NSF: variants seen among roughly 807,000 people sequenced by gnomAD.
NSF encodes the protein N-ethylmaleimide sensitive factor, vesicle fusing ATPase.
NSF carries 14 observed loss-of-function variants against 50.3 expected under a neutral mutation model. The ratio of observed to expected loss-of-function variants is 0.28; its 90% CI spans 0.18 to 0.44. The LOEUF is 0.44. Ranked by LOEUF, NSF falls within the 20% of genes least tolerant of loss-of-function variation. NSF has a pLI of 1.00. For missense variants in NSF, 218 were observed against 504.3 expected (o/e 0.43, Z 5.44); for synonymous variants, 109 against 175.7 (o/e 0.62, Z 3.00).
chr17:46,707,546 T>C (rs1264425773), intron 13 of NSF, among the ~76,000 whole-genome samples: 1 of 152,060 alleles, frequency 6.6e-6, no homozygotes, highest in African/African-American at 2.4e-5. Context: ...CTTTTTTCCC[T>C]CCCCTACAAC....
intron 9 of NSF, among the ~76,000 whole-genome samples, chr17:46,676,261 T>A (rs2058406574): frequency 6.8e-6 from 1 of 147,732 alleles, no homozygotes; most frequent in African/African-American, 2.6e-5. Context: ...AGATGGAGTT[T>A]TGCTCTTGTT....
Position 46,728,950 on chromosome 17 carries a change from T to A in NSF, c.1908+16T>A. ...ACCTCCTCAGGTAAAATAATACTAC[T>A]AATAAGGAATATTTTAACAAAGAGT... On this transcript the variant is annotated intron_variant, in intron 17 of 20. Transcript: ENST00000398238. 1 of 1,425,564 alleles carries A rather than the reference T, an allele frequency of 7.0e-7. No individual in the cohort carries two copies. Among genetic ancestry groups the A allele is most frequent in the Non-Finnish European group, 9.8e-7 (1 of 1,022,382 alleles). The allele number at this position is 1,425,564 out of a possible 1,614,324, so 88.3% of individuals were successfully genotyped here. A position where few individuals can be genotyped will look rare whatever the true frequency, so the allele number is the denominator to read the frequency against.
rs1169505890 is a variant in NSF at position 46,595,857 on chromosome 17, GTC to G, written c.12+5074_12+5075del. Among the ~76,000 whole-genome samples, 8 of 141,658 alleles carry G rather than the reference GTC, an allele frequency of 5.6e-5. 1 individual carries two copies. Among genetic ancestry groups the G allele is most frequent in the African/African-American group, 2.2e-4 (8 of 35,590 alleles). 92.9% of individuals were successfully genotyped at this position (141,658 alleles called of 152,430 possible). On this transcript the variant is annotated intron_variant, in intron 1 of 20. Transcript: ENST00000398238. ...TTCTCTCCCTTACTCCGCCTTCCCA[GTC>G]TCTGTTATCTATTTTTCCACTCCCT...
At position 46,675,716 on chromosome 17, in the gene NSF, CAT is replaced by C. The variant is rs1368335002; in HGVS notation, c.945+1106_945+1107del. 1.0e-4 allele frequency among the ~76,000 whole-genome samples: 13 copies of C among 129,982 alleles called. 3 individuals are homozygous for C. The East Asian group carries it at 2.7e-3, about 27-fold the overall frequency. The allele number at this position is 129,982 out of a possible 152,430, so 85.3% of individuals were successfully genotyped here. A position where few individuals can be genotyped will look rare whatever the true frequency, so the allele number is the denominator to read the frequency against. On this transcript the variant is annotated intron_variant, in intron 9 of 20. Transcript: ENST00000398238. The stretch of plus-strand genomic sequence containing the variant: ...TTCTGATTAATTATCCTAATACTAA[CAT>C]ATTTTTTTCATTGACAGTTTAAGAA...
At chr17:46,743,597 C>T (rs1381692657) in intron 17 of NSF, among the ~76,000 whole-genome samples, 1 of 152,234 alleles carries the variant, frequency 6.6e-6, no homozygotes, top group Non-Finnish European at 1.5e-5. Flanking sequence ...ACTTGCCTCA[C>T]CATTGCTTTC....
intron 17 of NSF, among the ~76,000 whole-genome samples, chr17:46,737,856 C>T (rs757732085): frequency 7.3e-5 from 11 of 151,686 alleles, no homozygotes; most frequent in East Asian, 1.9e-4. Flanking sequence ...GGAATTCAAG[C>T]GCTGCAGCAA....
In NSF at chr17:46,693,085, A is replaced by C; in HGVS notation, c.1111+17A>C. The C allele has an allele frequency of 6.2e-7, 1 of 1,602,996 alleles. No homozygotes were observed. ...TAGTCATTGGTATGTTTACTTTTTAAAAAAGTACTATTCATTCAAAAACGT... is the reference window on the plus strand; with the variant it reads ...TAGTCATTGGTATGTTTACTTTTTACAAAAGTACTATTCATTCAAAAACGT... On this transcript the variant is annotated intron_variant, in intron 10 of 20. Coordinates refer to ENST00000398238, the MANE Select transcript of NSF (RefSeq NM_006178.4).
At chr17:46,739,015 C>T (rs945705695) in intron 17 of NSF, among the ~76,000 whole-genome samples, 25 of 151,712 alleles carry the variant, frequency 1.6e-4, no homozygotes, top group African/African-American at 2.2e-4. Context: ...GCAGGAGGAT[C>T]GCTTGAGTCC....
chr17:46,695,016 G>A (rs1284562469), intron 12 of NSF, among the ~76,000 whole-genome samples: 4 of 110,070 alleles, frequency 3.6e-5, no homozygotes, highest in Non-Finnish European at 5.5e-5. Context: ...GGAGGCTGAG[G>A]CGGGCGGATC....
At chr17:46,738,265 C>A (rs1436781681) in intron 17 of NSF, among the ~76,000 whole-genome samples, 1 of 152,004 alleles carries the variant, frequency 6.6e-6, no homozygotes, top group East Asian at 1.9e-4. Flanking sequence ...CAATATGATA[C>A]TTGAGAATTT....
At chr17:46,750,010 G>A in intron 18 of NSF, 103 bp downstream of exon 18, 1 of 1,287,144 alleles carries the variant, frequency 7.8e-7, no homozygotes. Flanking sequence ...ATGCTAATCT[G>A]GAACATGGGA....
At chr17:46,675,579 C>CAT (rs1482352586) in intron 9 of NSF, among the ~76,000 whole-genome samples, 4 of 126,078 alleles carry the variant, frequency 3.2e-5, no homozygotes, top group Admixed American at 1.8e-4. Flanking sequence ...TGGAGGCTGA[C>CAT]ATATATATGT....
rs1297445869 is a variant in NSF at position 46,671,785 on chromosome 17, C to G, written c.746-2629C>G. On this transcript the variant is annotated intron_variant, in intron 8 of 20. Coordinates refer to ENST00000398238, the MANE Select transcript of NSF (RefSeq NM_006178.4). ...ATCTGAGTAAATTTAGTTCAAAACA[C>G]ATTAATTTGAGCATTTTCTGTGTAC... Among the ~76,000 whole-genome samples, 12 of 127,352 alleles carry G rather than the reference C, an allele frequency of 9.4e-5. No individual in the cohort carries two copies. The East Asian group carries it at 2.4e-3, about 25-fold the overall frequency. 83.5% of individuals were successfully genotyped at this position (127,352 alleles called of 152,430 possible). A position where few individuals can be genotyped will look rare whatever the true frequency, so the allele number is the denominator to read the frequency against.
chr17:46,610,029 C>CTTTCTTTCTTTCTTTCTT (rs528412035), intron 1 of NSF, among the ~76,000 whole-genome samples: 3 of 88,930 alleles, frequency 3.4e-5, no homozygotes, highest in African/African-American at 1.1e-4. Context: ...TTCTTTCTTT[C>CTTTCTTTCTTTCTTTCTT]TCTCTCTCTC....
intron 15 of NSF, among the ~76,000 whole-genome samples, chr17:46,726,244 T>C (rs572039628): frequency 3.0e-4 from 45 of 152,324 alleles, no homozygotes; most frequent in African/African-American, 9.9e-4. Context: ...TACACTAAAG[T>C]CCTGCTCCTG....
intron 12 of NSF, among the ~76,000 whole-genome samples, chr17:46,699,427 A>ACACACACT (rs2058618983): frequency 6.6e-6 from 1 of 151,940 alleles, no homozygotes; most frequent in Non-Finnish European, 1.5e-5. Flanking sequence ...ACACACACAC[A>ACACACACT]CTTTCTCTCA....
chr17:46,754,049 A>G (rs1030682517), intron 19 of NSF, among the ~76,000 whole-genome samples: 3 of 151,948 alleles, frequency 2.0e-5, no homozygotes, highest in Non-Finnish European at 4.4e-5. Context: ...TTTTAATTCC[A>G]TAGCTACAGG....
At chr17:46,753,133 C>CT (rs2059199661) in intron 19 of NSF, among the ~76,000 whole-genome samples, 1 of 152,126 alleles carries the variant, frequency 6.6e-6, no homozygotes, top group South Asian at 2.1e-4. Flanking sequence ...GACAGAGTGG[C>CT]TGTATTCTAG....
At chr17:46,737,508 C>T (rs1169635394) in intron 17 of NSF, among the ~76,000 whole-genome samples, 1 of 151,858 alleles carries the variant, frequency 6.6e-6, no homozygotes. Context: ...GGGAAGGAAG[C>T]AAGGGTGGCT....
Sources: gnomAD v4.1 joint callset for allele counts (sites outside exome capture counted in the v4.1 genomes callset) on GRCh38, gnomAD v4.1.1 for gene constraint, MANE v1.5 for transcripts, NCBI Gene and HGNC (gene_info 2026-07-23, HGNC 2026-07-21) for gene names.